SMLR1: variants seen among roughly 807,000 people sequenced by gnomAD.
SMLR1 encodes small leucine-rich protein 1.
SMLR1 carries 3 observed loss-of-function variants against 6.1 expected under a neutral mutation model. That is an observed-to-expected ratio of 0.49 (90% confidence interval 0.22 to 1.28). SMLR1 has a LOEUF of 1.28. Among genes scored for constraint, SMLR1 ranks in the 50% most tolerant of loss-of-function variants. The probability of loss-of-function intolerance (pLI) is 0.19; values close to 1 mark genes in which losing one functional copy is unlikely to be tolerated. For missense variants in SMLR1, 126 were observed against 124.8 expected (o/e 1.01, Z -0.05); for synonymous variants, 55 against 53.6 (o/e 1.03, Z -0.11).
At chr6:130,834,794 A>C in intron 1 of SMLR1, 76 bp from the exon 2 acceptor site, 1 of 1,269,422 alleles carries the variant, frequency 7.9e-7, no homozygotes, top group Non-Finnish European at 1.1e-6. Context: ...TATGCTGGCC[A>C]ACAGCCCTTA....
intron 1 of SMLR1, among the ~76,000 whole-genome samples, chr6:130,833,270 G>C (rs930842229): frequency 1.3e-5 from 2 of 152,002 alleles, no homozygotes; most frequent in African/African-American, 4.8e-5. Context: ...CTTCCTCTTG[G>C]CCTCTCCATT....
At chr6:130,828,818 T>C (rs1204387560) in intron 1 of SMLR1, among the ~76,000 whole-genome samples, 1 of 152,204 alleles carries the variant, frequency 6.6e-6, no homozygotes, top group Non-Finnish European at 1.5e-5. Flanking sequence ...TCCTTTTCTT[T>C]GTTAAGTCAG....
At chr6:130,831,060 G>A (rs539810607) in intron 1 of SMLR1, among the ~76,000 whole-genome samples, 2 of 152,274 alleles carry the variant, frequency 1.3e-5, no homozygotes, top group South Asian at 4.1e-4. Context: ...CAAGATCCAA[G>A]AACTCTCTCG....
intron 1 of SMLR1, among the ~76,000 whole-genome samples, chr6:130,831,980 A>G (rs937888771): frequency 6.6e-6 from 1 of 152,194 alleles, no homozygotes; most frequent in African/African-American, 2.4e-5. Flanking sequence ...CAAAGGAAGA[A>G]AGAAAATTCT....
Position 130,836,549 on chromosome 6 carries a change from C to G in SMLR1, c.*1594C>G, listed in dbSNP as rs1359703753. The G allele has an allele frequency of 1.3e-5, 2 of 152,144 alleles. No individual in the cohort carries two copies. The highest frequency in any genetic ancestry group is 2.9e-5 in the Non-Finnish European group (2 of 68,020). 9.4% of individuals were successfully genotyped at this position (152,144 alleles called of 1,614,324 possible). Reference sequence around the variant, plus strand: ...CTCAGCTATTGTGATAACACATGAGCTCTATATAGACATGTTTTCAGCACC... The same window carrying G: ...CTCAGCTATTGTGATAACACATGAGGTCTATATAGACATGTTTTCAGCACC... On this transcript the variant is annotated 3_prime_UTR_variant, in exon 2 of 2. Coordinates refer to ENST00000541421, the MANE Select transcript of SMLR1 (RefSeq NM_001195597.2).
chr6:130,834,260 T>C (rs1314978222), intron 1 of SMLR1, among the ~76,000 whole-genome samples: 1 of 151,750 alleles, frequency 6.6e-6, no homozygotes, highest in East Asian at 1.9e-4. Context: ...GGGAGGAGAA[T>C]GGTGGGGGCA....
intron 1 of SMLR1, among the ~76,000 whole-genome samples, chr6:130,829,480 G>T (rs1404748332): frequency 6.6e-6 from 1 of 152,210 alleles, no homozygotes; most frequent in Admixed American, 6.5e-5. Context: ...GGCTGATGCA[G>T]GGGAAATGCA....
At chr6:130,831,479 A>T (rs1774446133) in intron 1 of SMLR1, among the ~76,000 whole-genome samples, 1 of 151,960 alleles carries the variant, frequency 6.6e-6, no homozygotes, top group African/African-American at 2.4e-5. Context: ...AGCCACCCAA[A>T]CTCTAAGAAC....
chr6:130,833,818 C>G (rs1774546848), intron 1 of SMLR1, among the ~76,000 whole-genome samples: 1 of 152,078 alleles, frequency 6.6e-6, no homozygotes, highest in Non-Finnish European at 1.5e-5. Flanking sequence ...ACATATGCAC[C>G]CTCCCTAACA....
chr6:130,835,452 C>T lies in SMLR1; in HGVS notation c.*497C>T, dbSNP rs1774624353. 6.5e-6 allele frequency: 1 copy of T among 154,514 alleles called. No homozygotes were observed. The highest frequency in any genetic ancestry group is 2.4e-5 in the African/African-American group (1 of 41,450). The allele number at this position is 154,514 out of a possible 1,614,324, so 9.6% of individuals were successfully genotyped here. ...GCAGTTCAGCAACTCTTAAGTGACA[C>T]AGTTCAGGTATCATTTTTGGACCTG... On this transcript the variant is annotated 3_prime_UTR_variant, in exon 2 of 2. Transcript: ENST00000541421.
At chr6:130,829,789 A>G (rs1774385189) in intron 1 of SMLR1, among the ~76,000 whole-genome samples, 1 of 152,156 alleles carries the variant, frequency 6.6e-6, no homozygotes, top group Non-Finnish European at 1.5e-5. Context: ...AGACTTGCCC[A>G]CAACTGTTAA....
chr6:130,830,895 C>G (rs945520770), intron 1 of SMLR1, among the ~76,000 whole-genome samples: 2 of 152,212 alleles, frequency 1.3e-5, no homozygotes, highest in African/African-American at 2.4e-5. Flanking sequence ...TAACCGCCCC[C>G]CCGCGTTTAG....
intron 1 of SMLR1, among the ~76,000 whole-genome samples, chr6:130,831,689 T>C (rs939964371): frequency 6.6e-6 from 1 of 152,206 alleles, no homozygotes; most frequent in African/African-American, 2.4e-5. Flanking sequence ...CAACCAGGGT[T>C]ATGGCAAATG....
rs1317598536 is a variant in SMLR1 at position 130,834,960 on chromosome 6, G to A, written c.*5G>A. On this transcript the variant is annotated 3_prime_UTR_variant, in exon 2 of 2. Transcript: ENST00000541421. ...CAGAGAATGAAATGGACGTGAAGTT[G>A]GGGACTTTCCAATAACTAAAGCACA... The A allele has an allele frequency of 1.3e-6, 2 of 1,534,584 alleles. No homozygotes were observed. The highest frequency in any genetic ancestry group is 2.4e-5 in the South Asian group (2 of 84,020).
chr6:130,829,170 G>A (rs1173349761), intron 1 of SMLR1, among the ~76,000 whole-genome samples: 1 of 152,118 alleles, frequency 6.6e-6, no homozygotes, highest in African/African-American at 2.4e-5. Flanking sequence ...TTCAAAAACT[G>A]CAGCAAGTAC....
rs1238169366 is a variant in SMLR1, at chr6:130,835,079, A to G, written c.*124A>G. 33 of 787,882 alleles carry G rather than the reference A, an allele frequency of 4.2e-5. No individual in the cohort carries two copies. The highest frequency in any genetic ancestry group is 4.5e-5 in the Admixed American group (2 of 44,016). 48.8% of individuals were successfully genotyped at this position (787,882 alleles called of 1,614,324 possible). A position where few individuals can be genotyped will look rare whatever the true frequency, so the allele number is the denominator to read the frequency against. On this transcript the variant is annotated 3_prime_UTR_variant, in exon 2 of 2. Coordinates refer to ENST00000541421, the MANE Select transcript of SMLR1 (RefSeq NM_001195597.2). ...CCATAGCAAAATAGAAAGAATACTA[A>G]GATACTCATTCTGAACCATACTGAA...
intron 1 of SMLR1, among the ~76,000 whole-genome samples, chr6:130,829,558 C>T (rs758782467): frequency 6.6e-6 from 1 of 152,180 alleles, no homozygotes; most frequent in African/African-American, 2.4e-5. Flanking sequence ...CACGCTGATG[C>T]CCTCCTATCT....
In SMLR1 at chr6:130,833,621, G is replaced by A. The variant is rs541787887; in HGVS notation, c.239-1249G>A. Among the ~76,000 whole-genome samples the A allele has an allele frequency of 6.6e-5, 10 of 152,210 alleles. No individual in the cohort carries two copies. In the East Asian group the frequency reaches 1.9e-3, roughly 29 times the overall value. ...GATCTTGGGCAAATTACTTCATCAT[G>A]ATTTCTTTCTGCCCCAGTTTGCTCA... On this transcript the variant is annotated intron_variant, in intron 1 of 1. Coordinates refer to ENST00000541421, the MANE Select transcript of SMLR1 (RefSeq NM_001195597.2).
chr6:130,834,268 GCAGA>G (rs1373262242), intron 1 of SMLR1, among the ~76,000 whole-genome samples: 2 of 152,148 alleles, frequency 1.3e-5, no homozygotes, highest in Non-Finnish European at 2.9e-5. Context: ...AATGGTGGGG[GCAGA>G]CAGAGAGAGG....
Sources: gnomAD v4.1 joint callset for allele counts (sites outside exome capture counted in the v4.1 genomes callset) on GRCh38, gnomAD v4.1.1 for gene constraint, MANE v1.5 for transcripts, NCBI Gene and HGNC (gene_info 2026-07-23, HGNC 2026-07-21) for gene names.